NLGN1: variants seen among roughly 807,000 people sequenced by gnomAD.
The protein encoded by NLGN1 is neuroligin-1.
Under a neutral mutation model 65.5 loss-of-function variants are expected in NLGN1, and 12 were observed. That is an observed-to-expected ratio of 0.18 (90% CI 0.12 to 0.30). The LOEUF (loss-of-function observed/expected upper bound fraction) is 0.30, where lower values mean the gene tolerates loss of function less well. NLGN1 is among the 10% of genes least tolerant of loss of function. The probability of loss-of-function intolerance (pLI) is 1.00; values close to 1 mark genes in which losing one functional copy is unlikely to be tolerated. For synonymous variants in NLGN1, 350 were observed against 359.5 expected, an observed-to-expected ratio of 0.97 and a Z score of 0.30; for missense variants, 750 against 1,007.1, an observed-to-expected ratio of 0.74 and a Z score of 3.46.
chr3:173,593,287 A>C (rs1437564885), intron 2 of NLGN1, among the ~76,000 whole-genome samples: 1 of 152,180 alleles, frequency 6.6e-6, no homozygotes, highest in South Asian at 2.1e-4. Flanking sequence ...AACTTGTGTC[A>C]TGGGGGTTTG....
chr3:174,157,993 G>C (rs966268472), intron 4 of NLGN1, among the ~76,000 whole-genome samples: 1 of 151,714 alleles, frequency 6.6e-6, no homozygotes, highest in African/African-American at 2.4e-5. Flanking sequence ...TAAGTAGAAA[G>C]TACATTGTCC....
At chr3:173,657,030 C>T (rs143250089) in intron 3 of NLGN1, among the ~76,000 whole-genome samples, 109 of 151,972 alleles carry the variant, frequency 7.2e-4, no homozygotes, top group African/African-American at 2.6e-3. Context: ...GCTTTGTAAA[C>T]CATTATATAA....
chr3:174,236,352 A>G (rs1479082824), intron 4 of NLGN1, among the ~76,000 whole-genome samples: 1 of 152,100 alleles, frequency 6.6e-6, no homozygotes, highest in Non-Finnish European at 1.5e-5. Context: ...AAAGCATTAT[A>G]TGAAATTCCT....
exon 7 of NLGN1, chr3:174,282,005 A>C (rs914687260): frequency 2.6e-5 from 4 of 152,340 alleles, no homozygotes; most frequent in African/African-American, 7.2e-5. Flanking sequence ...TTTTAATAGA[A>C]GCTTCCTCCA....
At chr3:174,004,329 A>G (rs1723925388) in intron 4 of NLGN1, among the ~76,000 whole-genome samples, 1 of 152,178 alleles carries the variant, frequency 6.6e-6, no homozygotes, top group Admixed American at 6.5e-5. Flanking sequence ...ATATTTTGAA[A>G]GTAAAAGCCT....
intron 2 of NLGN1, among the ~76,000 whole-genome samples, chr3:173,437,426 A>T (rs1040246819): frequency 2.0e-5 from 3 of 152,210 alleles, no homozygotes; most frequent in African/African-American, 7.2e-5. Flanking sequence ...CTACATTATT[A>T]AAAGACAGTT....
chr3:174,234,718 GA>G (rs1741346971), intron 4 of NLGN1, among the ~76,000 whole-genome samples: 1 of 152,130 alleles, frequency 6.6e-6, no homozygotes, highest in Non-Finnish European at 1.5e-5. Flanking sequence ...GGAGTTGGGG[GA>G]GCCCTCTCCT....
intron 4 of NLGN1, among the ~76,000 whole-genome samples, chr3:174,011,234 C>G (rs920283170): frequency 6.6e-6 from 1 of 152,108 alleles, no homozygotes; most frequent in African/African-American, 2.4e-5. Flanking sequence ...ATCTATGTCC[C>G]ACACAATTAC....
chr3:173,940,340 C>T (rs1473079313), intron 4 of NLGN1, among the ~76,000 whole-genome samples: 1 of 152,074 alleles, frequency 6.6e-6, no homozygotes, highest in Non-Finnish European at 1.5e-5. Context: ...CTGCCTGCCT[C>T]GGCCTCCCAA....
At chr3:174,090,270 A>G (rs991726853) in intron 4 of NLGN1, among the ~76,000 whole-genome samples, 4 of 152,136 alleles carry the variant, frequency 2.6e-5, no homozygotes, top group South Asian at 2.1e-4. Flanking sequence ...CAAGAGTTCA[A>G]AACCAGCCTG....
At chr3:174,153,715 A>C (rs1724834506) in intron 4 of NLGN1, among the ~76,000 whole-genome samples, 1 of 152,140 alleles carries the variant, frequency 6.6e-6, no homozygotes, top group East Asian at 1.9e-4. Flanking sequence ...GAAATTGGCC[A>C]GTTACAGTGG....
chr3:173,564,413 A>G (rs909929199), intron 2 of NLGN1, among the ~76,000 whole-genome samples: 7 of 152,266 alleles, frequency 4.6e-5, no homozygotes, highest in Admixed American at 2.6e-4. Flanking sequence ...GTTTGTTACT[A>G]ACTGTGTAAA....
At chr3:174,105,804 A>G (rs1214544589) in intron 4 of NLGN1, among the ~76,000 whole-genome samples, 2 of 150,244 alleles carry the variant, frequency 1.3e-5, no homozygotes, top group Non-Finnish European at 3.0e-5. Flanking sequence ...ATAGTGCACA[A>G]GACTCTTAAG....
At chr3:173,894,886 C>T (rs1287897540) in intron 4 of NLGN1, among the ~76,000 whole-genome samples, 2 of 146,736 alleles carry the variant, frequency 1.4e-5, no homozygotes, top group Non-Finnish European at 3.0e-5. Context: ...ATCCACCCGC[C>T]TCGGCCTCCC....
chr3:173,474,962 A>G (rs1725944220), intron 2 of NLGN1, among the ~76,000 whole-genome samples: 1 of 152,014 alleles, frequency 6.6e-6, no homozygotes, highest in Non-Finnish European at 1.5e-5. Context: ...TGTCTCAAGG[A>G]AAAAAAAGAA....
chr3:174,069,407 A>G (rs562373778), intron 4 of NLGN1, among the ~76,000 whole-genome samples: 4 of 152,322 alleles, frequency 2.6e-5, no homozygotes, highest in African/African-American at 9.6e-5. Flanking sequence ...AGAGGAGGCC[A>G]GATGAAGGAG....
At chr3:174,234,424 A>C (rs1295375223) in intron 4 of NLGN1, among the ~76,000 whole-genome samples, 1 of 152,100 alleles carries the variant, frequency 6.6e-6, no homozygotes, top group African/African-American at 2.4e-5. Flanking sequence ...CAGTGTGTTT[A>C]CTAGAGTTGT....
chr3:174,133,474 C>T (rs1720595267), intron 4 of NLGN1, among the ~76,000 whole-genome samples: 2 of 152,098 alleles, frequency 1.3e-5, no homozygotes, highest in Non-Finnish European at 2.9e-5. Flanking sequence ...CCTGGGTTAC[C>T]AGCCAGTCAA....
At chr3:173,787,008 C>T (rs139156194) in intron 3 of NLGN1, among the ~76,000 whole-genome samples, 6 of 151,086 alleles carry the variant, frequency 4.0e-5, no homozygotes, top group South Asian at 2.1e-4. Flanking sequence ...ACCCGTGGGG[C>T]GGAGGTTGCA....
Sources: allele counts gnomAD v4.1 joint callset (sites outside exome capture counted in the v4.1 genomes callset), GRCh38; gene constraint gnomAD v4.1.1; transcripts MANE v1.5; gene names NCBI Gene and HGNC (gene_info 2026-07-23, HGNC 2026-07-21).